The following CERT1 variants were observed in gnomAD, a reference collection of about 807,000 sequenced individuals.
The protein encoded by CERT1 is ceramide transporter 1.
CERT1 carries 31 observed loss-of-function variants against 87.9 expected under a neutral mutation model. The ratio of observed to expected loss-of-function variants is 0.35; its 90% CI spans 0.27 to 0.48. The LOEUF is 0.48. Among genes scored for constraint, CERT1 ranks in the 20% least tolerant of loss-of-function variants. CERT1 has a pLI of 0.99. For synonymous variants in CERT1, 289 were observed against 250.9 expected (o/e 1.15, Z -1.44); for missense variants, 487 against 758.0 (o/e 0.64, Z 4.20).
At chr5:75,385,841 G>C in intron 13 of CERT1, 61 bp downstream of exon 13, 1 of 1,242,326 alleles carries the variant, frequency 8.0e-7, no homozygotes, top group Non-Finnish European at 1.0e-6. Flanking sequence ...CAGAAAACTA[G>C]GTTGGATTTG....
At chr5:75,486,155 A>G (rs1419310444) in intron 2 of CERT1, among the ~76,000 whole-genome samples, 1 of 152,212 alleles carries the variant, frequency 6.6e-6, no homozygotes, top group Non-Finnish European at 1.5e-5. Context: ...ATTATTCATC[A>G]TGACCACATG....
chr5:75,472,090 T>C (rs1009061000), intron 2 of CERT1, among the ~76,000 whole-genome samples: 6 of 152,084 alleles, frequency 3.9e-5, no homozygotes, highest in Non-Finnish European at 5.9e-5. Flanking sequence ...ACACAGACCA[T>C]TGTAATAGAA....
intron 2 of CERT1, among the ~76,000 whole-genome samples, chr5:75,479,393 C>T (rs1035726090): frequency 1.3e-5 from 2 of 151,926 alleles, no homozygotes; most frequent in Admixed American, 6.6e-5. Context: ...GTTTCATCAC[C>T]CAGGTATTAA....
chr5:75,371,236 CT>C (rs1433903432), intron 17 of CERT1: 31 of 152,162 alleles, frequency 2.0e-4, no homozygotes, highest in Admixed American at 1.8e-3. Flanking sequence ...AGAAGTTACT[CT>C]ACACACTCCC....
intron 5 of CERT1, among the ~76,000 whole-genome samples, chr5:75,423,041 G>A (rs1763453676): frequency 6.6e-6 from 1 of 152,172 alleles, no homozygotes; most frequent in South Asian, 2.1e-4. Context: ...CCAGTCTGTG[G>A]TACTTTGATA....
chr5:75,451,402 T>C (rs1764764498), intron 3 of CERT1, among the ~76,000 whole-genome samples: 1 of 152,164 alleles, frequency 6.6e-6, no homozygotes, highest in African/African-American at 2.4e-5. Context: ...TTATGCGTCC[T>C]TCCCTCAAAA....
At chr5:75,477,424 T>G (rs1766005526) in intron 2 of CERT1, among the ~76,000 whole-genome samples, 1 of 152,046 alleles carries the variant, frequency 6.6e-6, no homozygotes, top group Non-Finnish European at 1.5e-5. Flanking sequence ...TACTCTCTGT[T>G]GTGTTTCCAT....
In CERT1 at chr5:75,379,187, A is replaced by G; in HGVS notation, c.*159T>C. The G allele has an allele frequency of 4.5e-6, 3 of 669,050 alleles. No individual in the cohort carries two copies. 41.4% of individuals were successfully genotyped at this position (669,050 alleles called of 1,614,324 possible). On this transcript the variant is annotated 3_prime_UTR_variant, in exon 17 of 17. Transcript: ENST00000643780. ...ACAGAGCAAGACCCTGTTTAAAACA[A>G]CAACAACGACAACAACAAAAACCAA...
chr5:75,420,220 C>T (rs144669132), intron 5 of CERT1, among the ~76,000 whole-genome samples: 5 of 152,126 alleles, frequency 3.3e-5, no homozygotes, highest in African/African-American at 7.2e-5. Context: ...CCTCATGATC[C>T]GCCCACCTCG....
chr5:75,397,675 A>C (rs1272768743), intron 11 of CERT1, among the ~76,000 whole-genome samples: 1 of 152,204 alleles, frequency 6.6e-6, no homozygotes. Flanking sequence ...AAAGTCTCCC[A>C]GTATTATGTA....
At chr5:75,409,873 C>T (rs952178198) in intron 8 of CERT1, among the ~76,000 whole-genome samples, 2 of 151,628 alleles carry the variant, frequency 1.3e-5, no homozygotes, top group African/African-American at 2.4e-5. Context: ...CGCTCTGTCA[C>T]CCAGCCTGGA....
intron 2 of CERT1, among the ~76,000 whole-genome samples, chr5:75,463,429 T>C (rs968229981): frequency 7.9e-5 from 12 of 152,064 alleles, no homozygotes; most frequent in African/African-American, 2.7e-4. Context: ...AAGACATCTA[T>C]AAAAAAGTGG....
intron 3 of CERT1, among the ~76,000 whole-genome samples, chr5:75,442,585 G>A (rs1472338544): frequency 6.6e-6 from 1 of 152,140 alleles, no homozygotes; most frequent in Non-Finnish European, 1.5e-5. Context: ...TAGGTTACCC[G>A]ATTTTAGGGC....
intron 3 of CERT1, among the ~76,000 whole-genome samples, chr5:75,436,714 ATAT>A (rs1342582522): frequency 2.6e-5 from 4 of 152,174 alleles, no homozygotes; most frequent in Non-Finnish European, 4.4e-5. Context: ...ATATTTTATA[ATAT>A]TAAACACATT....
intron 3 of CERT1, among the ~76,000 whole-genome samples, chr5:75,427,396 TGAGAC>T (rs1763661357): frequency 6.6e-6 from 1 of 152,086 alleles, no homozygotes; most frequent in Non-Finnish European, 1.5e-5. Context: ...GTAAGGAGTC[TGAGAC>T]CAGCCTGGCC....
intron 3 of CERT1, among the ~76,000 whole-genome samples, chr5:75,441,505 A>C (rs1282834847): frequency 1.3e-5 from 2 of 152,190 alleles, no homozygotes; most frequent in Non-Finnish European, 2.9e-5. Context: ...CCACTTTATT[A>C]TACAATTAAT....
chr5:75,381,652 C>T lies in CERT1; in HGVS notation c.1617+297G>A, dbSNP rs188142655. Among the ~76,000 whole-genome samples, 292 of 152,148 alleles carry T rather than the reference C, an allele frequency of 1.9e-3. 1 individual carries two copies. The highest frequency in any genetic ancestry group is 4.4e-4 in the Non-Finnish European group (30 of 68,004). ...CAGAGGTTTGGCTGGCAGTTGATAA[C>T]GGCTTAAGAGATAACTGTGGGAAGT... On this transcript the variant is annotated intron_variant, in intron 15 of 16. Coordinates refer to ENST00000643780, the MANE Select transcript of CERT1 (RefSeq NM_001379029.1).
chr5:75,455,107 A>T (rs1201564721), intron 3 of CERT1, among the ~76,000 whole-genome samples: 1 of 152,216 alleles, frequency 6.6e-6, no homozygotes, highest in Non-Finnish European at 1.5e-5. Context: ...TATGTTCAGC[A>T]AATAGATGCG....
chr5:75,391,428 T>C (rs184195390), intron 11 of CERT1, among the ~76,000 whole-genome samples: 16 of 152,354 alleles, frequency 1.1e-4, no homozygotes, highest in Admixed American at 3.9e-4. Context: ...TATAATCTAC[T>C]TTTGTACTAA....
Sources: gnomAD v4.1 joint callset for allele counts (sites outside exome capture counted in the v4.1 genomes callset) on GRCh38, gnomAD v4.1.1 for gene constraint, MANE v1.5 for transcripts, NCBI Gene and HGNC (gene_info 2026-07-23, HGNC 2026-07-21) for gene names.